Variants in SMC4 observed in about 807,000 individuals in gnomAD.
SMC4 encodes the protein structural maintenance of chromosomes protein 4.
A neutral mutation model predicts 145.6 loss-of-function variants in SMC4; 87 were observed. The ratio of observed to expected loss-of-function variants is 0.60; its 90% CI spans 0.50 to 0.71. The LOEUF (loss-of-function observed/expected upper bound fraction) is 0.71, where lower values mean the gene tolerates loss of function less well. Ranked by LOEUF, SMC4 falls within the 30% of genes least tolerant of loss-of-function variation. The pLI, the probability that SMC4 is intolerant of heterozygous loss-of-function variation, is 0.00. For synonymous variants in SMC4, 558 were observed against 500.7 expected, an observed-to-expected ratio of 1.11 and a Z score of -1.53; for missense variants, 1,447 against 1,537.1, an observed-to-expected ratio of 0.94 and a Z score of 0.98.
Position 160,402,710 on chromosome 3 carries a change from G to C in SMC4, c.353G>C (p.Gly118Ala). The C allele has an allele frequency of 6.2e-7, 1 of 1,608,284 alleles. No individual in the cohort carries two copies. The highest frequency in any genetic ancestry group is 8.5e-7 in the Non-Finnish European group (1 of 1,178,558). The change falls in exon 4 of 24, where the codon GGC (glycine) becomes GCC (alanine). Residue 118 changes from glycine to alanine, a missense_variant. Gly to Ala is a moderately conservative substitution (Grantham distance 60, BLOSUM62 0). Coordinates refer to ENST00000357388, the MANE Select transcript of SMC4 (RefSeq NM_001002800.3). ...TGTATTATCGGGCCAAATGGCAGTGGCAAATCCAATGTTATTGATTCTATG... is the reference window on the plus strand; with the variant it reads ...TGTATTATCGGGCCAAATGGCAGTGCCAAATCCAATGTTATTGATTCTATG... The part of the protein sequence containing the change: ...FSCIIGPNGS[G>A]KSNVIDSMLF...
At chr3:160,428,477 A>C (rs1718032317) in intron 17 of SMC4, among the ~76,000 whole-genome samples, 1 of 152,210 alleles carries the variant, frequency 6.6e-6, no homozygotes, top group African/African-American at 2.4e-5. Context: ...CCCTAAGAAA[A>C]AGTTGTAAAG....
rs796149598 is a variant in SMC4, at chr3:160,401,870, T to C, written c.140-45T>C. 139 of 1,507,546 alleles carry C rather than the reference T, an allele frequency of 9.2e-5. No homozygotes were observed. In the East Asian group the frequency reaches 3.2e-3, roughly 35 times the overall value. The allele number at this position is 1,507,546 out of a possible 1,614,324, so 93.4% of individuals were successfully genotyped here. A position where few individuals can be genotyped will look rare whatever the true frequency, so the allele number is the denominator to read the frequency against. ...AACTAATTGCACTAATGTAGGCTTT[T>C]CCCCCGCCGTTTGCCTTCGTTTTCC... is the stretch of plus-strand genomic sequence containing the variant. On this transcript the variant is annotated intron_variant, in intron 2 of 23. Coordinates refer to ENST00000357388, the MANE Select transcript of SMC4 (RefSeq NM_001002800.3).
intron 5 of SMC4, among the ~76,000 whole-genome samples, chr3:160,408,169 T>C (rs1715556635): frequency 1.3e-5 from 2 of 151,226 alleles, no homozygotes; most frequent in Admixed American, 1.3e-4. Flanking sequence ...CAAGTAAAAA[T>C]AAAGAGAAGA....
chr3:160,399,850 C>G (rs982080971), intron 1 of SMC4, 101 bp downstream of exon 1: 6 of 152,248 alleles, frequency 3.9e-5, no homozygotes, highest in African/African-American at 1.2e-4. Context: ...CGGCGAAGTC[C>G]GGGCTTGAAG....
At chr3:160,418,714 T>C (rs1716842902) in intron 11 of SMC4, among the ~76,000 whole-genome samples, 1 of 152,150 alleles carries the variant, frequency 6.6e-6, no homozygotes, top group South Asian at 2.1e-4. Context: ...TTTATGCCAG[T>C]ACAGTAAGTA....
At chr3:160,417,380 T>A (rs1716697600) in intron 10 of SMC4, among the ~76,000 whole-genome samples, 1 of 152,202 alleles carries the variant, frequency 6.6e-6, no homozygotes, top group Non-Finnish European at 1.5e-5. Flanking sequence ...GGATACTTCA[T>A]AGTTAGTGGA....
At chr3:160,415,813 C>G (rs1255617418) in intron 9 of SMC4, among the ~76,000 whole-genome samples, 1 of 152,184 alleles carries the variant, frequency 6.6e-6, no homozygotes, top group Non-Finnish European at 1.5e-5. Context: ...ATTAGCCCTA[C>G]ATGATGACTC....
At chr3:160,418,016 T>C (rs1256932720) in intron 11 of SMC4, 60 bp downstream of exon 11, 1 of 1,430,572 alleles carries the variant, frequency 7.0e-7, no homozygotes, top group Non-Finnish European at 9.6e-7. Context: ...CTTTATACAT[T>C]TTTGTTTTTA....
rs1716381572 is a variant in SMC4, at chr3:160,414,486, T to G, written c.1241T>G (p.Leu414Arg). ...LKHATSKAKK[L>R]EKQLQKDKEK... ...CATGCCACGAGTAAAGCCAAAAAAC[T>G]GGAGAAACAACTTCAAAAAGATAAA... The change falls in exon 9 of 24, where the codon CTG (leucine) becomes CGG (arginine). Residue 414 changes from leucine to arginine, a missense_variant. Leu to Arg is a moderately radical substitution (Grantham distance 102). Coordinates refer to ENST00000357388, the MANE Select transcript of SMC4 (RefSeq NM_001002800.3). The G allele has an allele frequency of 6.2e-7, 1 of 1,611,110 alleles. No individual in the cohort carries two copies. Among genetic ancestry groups the G allele is most frequent in the African/African-American group, 1.3e-5 (1 of 74,542 alleles).
Position 160,423,806 on chromosome 3 carries a change from G to A in SMC4, c.2291G>A (p.Gly764Asp). ...GGSKVMKGRM[G>D]SSLVIEISEE... ...AGCAAAGTAATGAAAGGAAGAATGG[G>A]TTCCTCACTTGTTATTGAAATCTCT... Residue 764 changes from glycine to aspartate, a missense_variant, in exon 15 of 24, where the codon GGT becomes GAT. By Grantham distance (94) the Gly-to-Asp change is moderately conservative (BLOSUM62 -1). Coordinates refer to ENST00000357388, the MANE Select transcript of SMC4 (RefSeq NM_001002800.3). 1 of 1,613,296 alleles carries A rather than the reference G, an allele frequency of 6.2e-7. No individual in the cohort carries two copies. Among genetic ancestry groups the A allele is most frequent in the Non-Finnish European group, 8.5e-7 (1 of 1,179,718 alleles).
chr3:160,406,744 C>T (rs989011220), intron 5 of SMC4, among the ~76,000 whole-genome samples: 4 of 152,012 alleles, frequency 2.6e-5, no homozygotes, highest in African/African-American at 4.8e-5. Context: ...TTAATATATT[C>T]GCTTAGCAAA....
chr3:160,409,062 C>G (rs1325456204), intron 5 of SMC4, among the ~76,000 whole-genome samples: 1 of 151,038 alleles, frequency 6.6e-6, no homozygotes, highest in Admixed American at 6.6e-5. Flanking sequence ...GTCAGGAGAT[C>G]GAGACCATCC....
chr3:160,404,096 G>T, intron 4 of SMC4: 1 of 430,424 alleles, frequency 2.3e-6, no homozygotes, highest in East Asian at 4.5e-5. Flanking sequence ...TGGCTGGTTG[G>T]TTTGGCTTCT....
chr3:160,417,147 TTGAC>T (rs1397119223), intron 10 of SMC4, among the ~76,000 whole-genome samples: 2 of 152,192 alleles, frequency 1.3e-5, no homozygotes, highest in Non-Finnish European at 2.9e-5. Context: ...ATAATGGTAA[TTGAC>T]TGCATTAAAA....
In SMC4 at chr3:160,416,292, C is replaced by T. The variant is rs768123321; in HGVS notation, c.1314C>T (p.Ile438=). Reference sequence around the variant, plus strand: ...GTATACCTGCCAAGAGTAACAATATCATTAATGAAACAACAACCAGAAACA... The same window carrying T: ...GTATACCTGCCAAGAGTAACAATATTATTAATGAAACAACAACCAGAAACA... The part of the protein sequence containing the change: ...FKSIPAKSNN[I]INETTTRNNA... The change falls in exon 10 of 24, where the codon ATC becomes ATT. Residue 438 remains isoleucine (I), a synonymous_variant. Coordinates refer to ENST00000357388, the MANE Select transcript of SMC4 (RefSeq NM_001002800.3). 3.1e-6 allele frequency: 5 copies of T among 1,596,160 alleles called. No individual in the cohort carries two copies. In the South Asian group the frequency reaches 4.5e-5, roughly 14 times the overall value.
At chr3:160,413,872 TTCACAGTTTAA>T in intron 8 of SMC4, 1 of 320,166 alleles carries the variant, frequency 3.1e-6, no homozygotes, top group East Asian at 8.8e-5. Context: ...AGCATTTGGC[TTCACAGTTTAA>T]TCTTTTAGTA....
At chr3:160,406,914 A>G in intron 5 of SMC4, among the ~76,000 whole-genome samples, 1 of 152,206 alleles carries the variant, frequency 6.6e-6, no homozygotes, top group Non-Finnish European at 1.5e-5. Flanking sequence ...ATGCCTTCAA[A>G]AAGTTTGTTG....
rs1385207312 is a variant in SMC4 at position 160,420,810 on chromosome 3, T to G, written c.1928T>G (p.Ile643Ser). The part of the protein sequence containing the change: ...ISSCCHALDY[I>S]VVDSIDIAQE... ...TCCTGTTGTCATGCACTGGACTACA[T>G]TGTTGTTGATTCTATTGATATAGCC... Residue 643 changes from isoleucine (I) to serine (S), a missense_variant, in exon 13 of 24, where the codon ATT (isoleucine) becomes AGT (serine). Transcript: ENST00000357388. 1 of 1,614,034 alleles carries G rather than the reference T, an allele frequency of 6.2e-7. No individual in the cohort carries two copies. The highest frequency in any genetic ancestry group is 1.1e-5 in the South Asian group (1 of 91,052).
rs780975998 is a variant in SMC4, at chr3:160,413,515, G to C, written c.1023G>C (p.Lys341Asn). Residue 341 changes from lysine (K) to asparagine (N), a missense_variant, in exon 8 of 24, where the codon AAG becomes AAC. Physicochemically the swap from Lys to Asn is moderately conservative, Grantham distance 94 (BLOSUM62 0). Transcript: ENST00000357388. ...QKRIAEMETQ[K>N]EKIHEDTKEI... ...GAATTGCTGAAATGGAAACTCAAAA[G>C]GAAAAAATTCATGAAGATACCAAAG... 1.9e-6 allele frequency: 3 copies of C among 1,583,466 alleles called. No homozygotes were observed. The East Asian group carries it at 6.9e-5, about 36-fold the overall frequency.
Sources: gnomAD v4.1 joint callset for allele counts (sites outside exome capture counted in the v4.1 genomes callset) on GRCh38, gnomAD v4.1.1 for gene constraint, MANE v1.5 for transcripts, NCBI Gene and HGNC (gene_info 2026-07-23, HGNC 2026-07-21) for gene names.